The following SUSD6 variants were observed in gnomAD, a reference collection of about 807,000 sequenced individuals.
The protein encoded by SUSD6 is sushi domain-containing protein 6.
In SUSD6, 16 loss-of-function variants were observed where a neutral mutation model predicts 28.4. That is an observed-to-expected ratio of 0.56 (90% confidence interval 0.38 to 0.86). SUSD6 has a LOEUF of 0.86. Ranked by LOEUF, SUSD6 falls within the 40% of genes least tolerant of loss-of-function variation. The probability of loss-of-function intolerance (pLI) is 0.00; values close to 1 mark genes in which losing one functional copy is unlikely to be tolerated. For missense variants in SUSD6, 341 were observed against 384.2 expected (o/e 0.89, Z 0.94); for synonymous variants, 147 against 159.6 (o/e 0.92, Z 0.59).
At chr14:69,648,279 A>G (rs1885456566) in intron 1 of SUSD6, among the ~76,000 whole-genome samples, 1 of 152,242 alleles carries the variant, frequency 6.6e-6, no homozygotes, top group Non-Finnish European at 1.5e-5. Context: ...ACATTGAGGT[A>G]AAGAGAATGC....
At chr14:69,683,444 G>C (rs772025398) in intron 2 of SUSD6, among the ~76,000 whole-genome samples, 2 of 152,176 alleles carry the variant, frequency 1.3e-5, no homozygotes, top group South Asian at 2.1e-4. Context: ...AGACATAGAT[G>C]CTTTTGTTTA....
intron 1 of SUSD6, among the ~76,000 whole-genome samples, chr14:69,646,602 C>T (rs1215075709): frequency 6.6e-6 from 1 of 151,952 alleles, no homozygotes; most frequent in East Asian, 1.9e-4. Context: ...TGTTCCCTGA[C>T]CAAACCTGCT....
chr14:69,682,336 C>G (rs1158043009), intron 2 of SUSD6, among the ~76,000 whole-genome samples: 3 of 151,416 alleles, frequency 2.0e-5, no homozygotes, highest in African/African-American at 4.9e-5. Flanking sequence ...AAACTTGTCT[C>G]AAAAAAAGAG....
chr14:69,623,279 G>A (rs1885067956), intron 1 of SUSD6, among the ~76,000 whole-genome samples: 2 of 152,116 alleles, frequency 1.3e-5, no homozygotes, highest in South Asian at 4.1e-4. Context: ...ATAACATTTT[G>A]CTGCATATAT....
intron 5 of SUSD6, among the ~76,000 whole-genome samples, chr14:69,710,343 T>A (rs1886445424): frequency 1.3e-5 from 2 of 152,254 alleles, no homozygotes; most frequent in Non-Finnish European, 2.9e-5. Flanking sequence ...AAATGTGCTA[T>A]CTTCCTGCAT....
At chr14:69,618,244 A>G (rs574478085) in intron 1 of SUSD6, among the ~76,000 whole-genome samples, 2 of 152,184 alleles carry the variant, frequency 1.3e-5, no homozygotes, top group African/African-American at 4.8e-5. Context: ...AGTCAAAACT[A>G]CCTTCAGTCT....
intron 1 of SUSD6, among the ~76,000 whole-genome samples, chr14:69,624,026 T>C (rs1180886033): frequency 6.6e-6 from 1 of 152,246 alleles, no homozygotes; most frequent in African/African-American, 2.4e-5. Flanking sequence ...TGTACAGTAA[T>C]GTCCTAGGCC....
At chr14:69,634,633 G>A (rs191547988) in intron 1 of SUSD6, among the ~76,000 whole-genome samples, 2 of 152,342 alleles carry the variant, frequency 1.3e-5, no homozygotes, top group Admixed American at 1.3e-4. Flanking sequence ...GATTTATGAG[G>A]CACATCTAAA....
chr14:69,668,663 A>C (rs1254090086), intron 2 of SUSD6, among the ~76,000 whole-genome samples: 1 of 151,898 alleles, frequency 6.6e-6, no homozygotes. Context: ...AGGAAAAGAA[A>C]GAAAGTATAC....
At chr14:69,638,458 G>GTGTGTA (rs776564049) in intron 1 of SUSD6, among the ~76,000 whole-genome samples, 1 of 139,426 alleles carries the variant, frequency 7.2e-6, no homozygotes, top group Non-Finnish European at 1.5e-5. Flanking sequence ...GTGTGTGTGT[G>GTGTGTA]TAATTGTGTG....
intron 4 of SUSD6, among the ~76,000 whole-genome samples, chr14:69,708,156 G>GT (rs1490677010): frequency 3.3e-5 from 5 of 152,186 alleles, no homozygotes; most frequent in African/African-American, 7.2e-5. Context: ...ACACTTCCCT[G>GT]TTTTTTAACA....
intron 2 of SUSD6, among the ~76,000 whole-genome samples, chr14:69,690,271 A>G (rs2139636543): frequency 6.6e-6 from 1 of 152,344 alleles, no homozygotes; most frequent in East Asian, 1.9e-4. Context: ...TAGCTAGTTT[A>G]GGCCCAAGTT....
At chr14:69,661,031 C>G (rs1301163569) in intron 2 of SUSD6, among the ~76,000 whole-genome samples, 3 of 152,162 alleles carry the variant, frequency 2.0e-5, no homozygotes, top group Non-Finnish European at 2.9e-5. Flanking sequence ...GGAAGGAAGG[C>G]CTAGTCAAAA....
chr14:69,704,226 A>G (rs1886351859), intron 3 of SUSD6, among the ~76,000 whole-genome samples: 1 of 152,210 alleles, frequency 6.6e-6, no homozygotes, highest in Non-Finnish European at 1.5e-5. Flanking sequence ...GGAAGAACAT[A>G]GGTAGAACTT....
At chr14:69,659,236 T>C (rs752533887) in intron 2 of SUSD6, among the ~76,000 whole-genome samples, 2 of 152,216 alleles carry the variant, frequency 1.3e-5, no homozygotes, top group South Asian at 4.1e-4. Context: ...CTGCGCTTTT[T>C]CTCAGAATGA....
intron 1 of SUSD6, among the ~76,000 whole-genome samples, chr14:69,640,708 G>A (rs1191527106): frequency 6.6e-6 from 1 of 152,178 alleles, no homozygotes; most frequent in African/African-American, 2.4e-5. Context: ...TACACTTGAA[G>A]GGAGAGAGAC....
intron 2 of SUSD6, among the ~76,000 whole-genome samples, chr14:69,668,709 T>C (rs1226713768): frequency 6.6e-6 from 1 of 151,740 alleles, no homozygotes. Context: ...TAATTGCCAG[T>C]GTTGAAGTTG....
rs147499363 is a variant in SUSD6 at position 69,659,447 on chromosome 14, G to A, written c.121+734G>A. Among the ~76,000 whole-genome samples the A allele has an allele frequency of 1.6e-3, 248 of 152,302 alleles. 1 individual carries two copies. The highest frequency in any genetic ancestry group is 5.4e-3 in the African/African-American group (223 of 41,564). ...CTTTGATGATTCTAAGGACTTTGTG[G>A]TTGAAGATGGTGAGCTGGACGGGCC... On this transcript the variant is annotated intron_variant, in intron 2 of 5. Coordinates refer to ENST00000342745, the MANE Select transcript of SUSD6 (RefSeq NM_014734.4).
rs758145772 is a variant in SUSD6, at chr14:69,711,323, T to C, written c.*344T>C. 71 of 374,818 alleles carry C rather than the reference T, an allele frequency of 1.9e-4. No individual in the cohort carries two copies. The highest frequency in any genetic ancestry group is 4.2e-4 in the Admixed American group (10 of 24,090). 23.2% of individuals were successfully genotyped at this position (374,818 alleles called of 1,614,324 possible). ...TGGCGGCAGCCCCCACCAGCTCCTG[T>C]GGGCCTGAGTGCTGCTGTGTTTACT... On this transcript the variant is annotated 3_prime_UTR_variant, in exon 6 of 6. Transcript: ENST00000342745.
Sources: gnomAD v4.1 joint callset for allele counts (sites outside exome capture counted in the v4.1 genomes callset) on GRCh38, gnomAD v4.1.1 for gene constraint, MANE v1.5 for transcripts, NCBI Gene and HGNC (gene_info 2026-07-23, HGNC 2026-07-21) for gene names.